Variants in EHHADH observed in about 807,000 individuals in gnomAD.
EHHADH encodes peroxisomal bifunctional enzyme.
A neutral mutation model predicts 64.4 loss-of-function variants in EHHADH; 48 were observed. That is an observed-to-expected ratio of 0.75 (90% CI 0.59 to 0.95). The LOEUF is 0.95. Among genes scored for constraint, EHHADH ranks in the 40% least tolerant of loss-of-function variants. The probability of loss-of-function intolerance (pLI) is 0.00; values close to 1 mark genes in which losing one functional copy is unlikely to be tolerated. For missense variants in EHHADH, 854 were observed against 876.6 expected (o/e 0.97, Z 0.33); for synonymous variants, 308 against 326.7 (o/e 0.94, Z 0.62).
intron 2 of EHHADH, among the ~76,000 whole-genome samples, chr3:185,246,660 A>G (rs1466600265): frequency 1.3e-5 from 2 of 152,142 alleles, no homozygotes; most frequent in African/African-American, 2.4e-5. Context: ...TTCTCCTTCA[A>G]TCTCTCCAGA....
In EHHADH at chr3:185,229,536, A is replaced by G. The variant is rs1466979040; in HGVS notation, c.359T>C (p.Val120Ala). The G allele has an allele frequency of 1.3e-6, 2 of 1,563,458 alleles. No individual in the cohort carries two copies. The highest frequency in any genetic ancestry group is 1.8e-5 in the Admixed American group (1 of 56,442). Residue 120 changes from valine (V) to alanine (A), a missense_variant, in exon 4 of 7, where the codon GTT (valine) becomes GCT (alanine). Transcript: ENST00000231887. ...HYRIAHAEAQ[V>A]GLPEVTLGLL... ...TCCCAGTGTAACTTCTGGTAAGCCAACTTGAGCCTATCAAAGATTGAAGGC... is the reference window on the plus strand; with the variant it reads ...TCCCAGTGTAACTTCTGGTAAGCCAGCTTGAGCCTATCAAAGATTGAAGGC...
intron 5 of EHHADH, among the ~76,000 whole-genome samples, chr3:185,215,664 T>C (rs1214260001): frequency 6.6e-6 from 1 of 152,106 alleles, no homozygotes; most frequent in Non-Finnish European, 1.5e-5. Flanking sequence ...TACACCTCAA[T>C]ACAGCTGGAA....
At chr3:185,252,417 T>TA (rs147886408) in intron 1 of EHHADH, among the ~76,000 whole-genome samples, 2,907 of 125,594 alleles carry the variant, frequency 0.023, 51 homozygotes, top group Non-Finnish European at 0.035. Flanking sequence ...CAAATGAGCT[T>TA]AAAAAAAAAA....
intron 5 of EHHADH, among the ~76,000 whole-genome samples, chr3:185,209,506 C>T (rs1035068899): frequency 1.3e-5 from 2 of 152,128 alleles, no homozygotes; most frequent in East Asian, 1.9e-4. Flanking sequence ...CAAAAATGTA[C>T]ATCTTAGTTA....
intron 5 of EHHADH, among the ~76,000 whole-genome samples, chr3:185,211,617 T>C (rs1718542527): frequency 6.6e-6 from 1 of 152,154 alleles, no homozygotes; most frequent in East Asian, 1.9e-4. Flanking sequence ...ATAAAAGCTT[T>C]GCAAAGGACA....
At chr3:185,238,329 T>G (rs540605899) in intron 2 of EHHADH, among the ~76,000 whole-genome samples, 1 of 152,330 alleles carries the variant, frequency 6.6e-6, no homozygotes, top group Admixed American at 6.5e-5. Flanking sequence ...TTGAGAAATC[T>G]CCATACTGTT....
chr3:185,226,240 T>C (rs949395678), intron 4 of EHHADH, among the ~76,000 whole-genome samples: 3 of 152,178 alleles, frequency 2.0e-5, no homozygotes, highest in Non-Finnish European at 4.4e-5. Flanking sequence ...AAGCGAGCTG[T>C]CACACTGTGT....
intron 5 of EHHADH, among the ~76,000 whole-genome samples, chr3:185,215,132 TA>T (rs906947410): frequency 1.1e-4 from 17 of 152,078 alleles, no homozygotes; most frequent in Non-Finnish European, 2.1e-4. Flanking sequence ...TAATAAATTT[TA>T]AAAAGCATTT....
At chr3:185,251,608 ATG>A (rs3072431) in intron 1 of EHHADH, among the ~76,000 whole-genome samples, 26,717 of 149,156 alleles carry the variant, frequency 0.18, 2,406 homozygotes, top group East Asian at 0.3. Flanking sequence ...AAAAATTTAT[ATG>A]TGTGTGTGTG....
intron 4 of EHHADH, among the ~76,000 whole-genome samples, chr3:185,219,495 A>T (rs149964648): frequency 1.3e-5 from 2 of 152,354 alleles, no homozygotes; most frequent in African/African-American, 4.8e-5. Context: ...ATCCTCCAGT[A>T]CAGAATGTCA....
intron 5 of EHHADH, among the ~76,000 whole-genome samples, chr3:185,206,308 T>C (rs1486180078): frequency 1.3e-5 from 2 of 151,568 alleles, no homozygotes; most frequent in African/African-American, 4.9e-5. Flanking sequence ...ATTTAGGTCC[T>C]TACCTAGCAC....
At chr3:185,197,737 A>C (rs1373534512) in intron 6 of EHHADH, among the ~76,000 whole-genome samples, 2 of 152,338 alleles carry the variant, frequency 1.3e-5, no homozygotes, top group East Asian at 3.9e-4. Context: ...GGCGATTGTG[A>C]GTAATGCTAT....
chr3:185,201,999 A>T (rs893600186), intron 6 of EHHADH, among the ~76,000 whole-genome samples: 1 of 152,238 alleles, frequency 6.6e-6, no homozygotes, highest in African/African-American at 2.4e-5. Context: ...CAAAAAGAGG[A>T]ACAATCATAG....
Position 185,204,479 on chromosome 3 carries a change from T to C in EHHADH, c.847A>G (p.Thr283Ala), listed in dbSNP as rs115754857. 2.1e-3 allele frequency: 3,347 copies of C among 1,613,588 alleles called. 55 individuals are homozygous for C. In the African/African-American group the frequency reaches 0.037, roughly 18 times the overall value. ...GTTTTCCACGATGCTCCGGAGGGAG[T>C]TGACCACTTATTTGCTTTCCTTTCA... ...FAERKANKWS[T>A]PSGASWKTAS... The change falls in exon 6 of 7, where the codon ACT (threonine) becomes GCT (alanine). Residue 283 changes from threonine to alanine, a missense_variant. Transcript: ENST00000231887.
At chr3:185,248,272 C>T (rs1048867740) in intron 2 of EHHADH, 142 bp downstream of exon 2, 1 of 690,350 alleles carries the variant, frequency 1.4e-6, no homozygotes, top group African/African-American at 1.8e-5. Context: ...TCCCTTTCTC[C>T]ACAGTGTTAC....
intron 6 of EHHADH, among the ~76,000 whole-genome samples, chr3:185,198,405 G>A (rs1198715970): frequency 6.6e-6 from 1 of 151,084 alleles, no homozygotes; most frequent in Non-Finnish European, 1.5e-5. Context: ...ATTTTTAGTA[G>A]AGACAGGGTT....
chr3:185,205,830 A>G (rs1231858903), intron 5 of EHHADH, among the ~76,000 whole-genome samples: 1 of 152,168 alleles, frequency 6.6e-6, no homozygotes, highest in African/African-American at 2.4e-5. Flanking sequence ...ACCAGAGGGA[A>G]CAGAACTGAG....
In EHHADH at chr3:185,193,742, C is replaced by A. The variant is rs143711997; in HGVS notation, c.911-255G>T. On this transcript the variant is annotated intron_variant, in intron 6 of 6. Coordinates refer to ENST00000231887, the MANE Select transcript of EHHADH (RefSeq NM_001966.4). ...TGAGTCCAACGAGATTGTAGGTACA[C>A]AATTGATATACAAAAATCAAGTATA... Among the ~76,000 whole-genome samples the A allele has an allele frequency of 2.6e-5, 4 of 152,046 alleles. No homozygotes were observed. In the East Asian group the frequency reaches 7.7e-4, roughly 29 times the overall value.
Position 185,229,634 on chromosome 3 carries a change from A to G in EHHADH, c.352-91T>C, listed in dbSNP as rs719393. On this transcript the variant is annotated intron_variant, in intron 3 of 6. Transcript: ENST00000231887. ...TTTCCCTGGATTTCCTGTATTCTCAAAAGCATGGTGTCACTGAATTCAGCA... is the reference window on the plus strand; with the variant it reads ...TTTCCCTGGATTTCCTGTATTCTCAGAAGCATGGTGTCACTGAATTCAGCA... 67,518 of 740,618 alleles carry G rather than the reference A, an allele frequency of 0.091. 4,292 individuals carry two copies. The highest frequency in any genetic ancestry group is 0.27 in the African/African-American group (14,833 of 55,804). 45.9% of individuals were successfully genotyped at this position (740,618 alleles called of 1,614,324 possible). A position where few individuals can be genotyped will look rare whatever the true frequency, so the allele number is the denominator to read the frequency against.
Sources: gnomAD v4.1 joint callset for allele counts (sites outside exome capture counted in the v4.1 genomes callset) on GRCh38, gnomAD v4.1.1 for gene constraint, MANE v1.5 for transcripts, NCBI Gene and HGNC (gene_info 2026-07-23, HGNC 2026-07-21) for gene names.